Variants in TRAPPC9 observed in about 807,000 individuals in gnomAD.
TRAPPC9 encodes IKK2 binding protein.
TRAPPC9 carries 83 observed loss-of-function variants against 124.0 expected under a neutral mutation model. The ratio of observed to expected loss-of-function variants is 0.67; its 90% CI spans 0.56 to 0.80. The LOEUF is 0.80. Among genes scored for constraint, TRAPPC9 ranks in the 30% least tolerant of loss-of-function variants. TRAPPC9 has a pLI of 0.00. For synonymous variants in TRAPPC9, 638 were observed against 617.5 expected (o/e 1.03, Z -0.49); for missense variants, 1,302 against 1,508.3 (o/e 0.86, Z 2.27).
chr8:140,233,054 C>T (rs1262475835), intron 16 of TRAPPC9, among the ~76,000 whole-genome samples: 1 of 152,234 alleles, frequency 6.6e-6, no homozygotes, highest in African/African-American at 2.4e-5. Context: ...CTTCATTAAA[C>T]AGTCAGCCGA....
chr8:140,390,710 C>T (rs1381694278), intron 7 of TRAPPC9, among the ~76,000 whole-genome samples: 1 of 152,204 alleles, frequency 6.6e-6, no homozygotes, highest in Non-Finnish European at 1.5e-5. Flanking sequence ...CCTTATATGC[C>T]TCTTACTCTC....
intron 1 of TRAPPC9, among the ~76,000 whole-genome samples, chr8:140,457,231 CG>C (rs1364952572): frequency 6.6e-6 from 1 of 152,100 alleles, no homozygotes; most frequent in Non-Finnish European, 1.5e-5. Context: ...GGCCCAGGGG[CG>C]GGGGGCTCCA....
At chr8:139,858,326 A>T (rs1248866655) in intron 21 of TRAPPC9, among the ~76,000 whole-genome samples, 1 of 152,220 alleles carries the variant, frequency 6.6e-6, no homozygotes, top group East Asian at 1.9e-4. Context: ...CGCGATCATA[A>T]GGAGGGTTGT....
At chr8:140,082,495 G>C (rs1466079605) in intron 17 of TRAPPC9, among the ~76,000 whole-genome samples, 1 of 152,062 alleles carries the variant, frequency 6.6e-6, no homozygotes, top group Non-Finnish European at 1.5e-5. Flanking sequence ...ACCATGTCTT[G>C]ATATGTTAAT....
At chr8:139,801,154 T>C (rs1313850134) in intron 21 of TRAPPC9, among the ~76,000 whole-genome samples, 1 of 152,170 alleles carries the variant, frequency 6.6e-6, no homozygotes, top group Non-Finnish European at 1.5e-5. Flanking sequence ...TGTCCGTTGA[T>C]AGGATGGGTA....
At chr8:139,948,645 A>C (rs1834431517) in intron 19 of TRAPPC9, among the ~76,000 whole-genome samples, 1 of 152,186 alleles carries the variant, frequency 6.6e-6, no homozygotes, top group Non-Finnish European at 1.5e-5. Context: ...ATTCTTATCA[A>C]GGTTTCCAAT....
At chr8:140,162,905 T>C (rs1389810197) in intron 17 of TRAPPC9, among the ~76,000 whole-genome samples, 2 of 152,048 alleles carry the variant, frequency 1.3e-5, no homozygotes, top group African/African-American at 2.4e-5. Flanking sequence ...GGTGGGAGGA[T>C]TGCTTGAGCC....
chr8:140,186,733 G>A lies in TRAPPC9; in HGVS notation c.2556+34726C>T, dbSNP rs112957756. Reference sequence around the variant, plus strand: ...ATTAATTGAAGCAAGTAGAAAAACAGGAATCCTAAAATGCTGGGATCTTGA... The same window carrying A: ...ATTAATTGAAGCAAGTAGAAAAACAAGAATCCTAAAATGCTGGGATCTTGA... On this transcript the variant is annotated intron_variant, in intron 17 of 22. Transcript: ENST00000438773. 7.4e-3 allele frequency among the ~76,000 whole-genome samples: 1,132 copies of A among 152,228 alleles called. 19 individuals carry two copies. The highest frequency in any genetic ancestry group is 0.026 in the African/African-American group (1,085 of 41,542).
intron 17 of TRAPPC9, among the ~76,000 whole-genome samples, chr8:140,071,485 C>G (rs78206265): frequency 6.6e-6 from 1 of 152,286 alleles, no homozygotes; most frequent in Admixed American, 6.5e-5. Flanking sequence ...GCAGTCTCCC[C>G]CTTAGAAAGC....
At chr8:140,118,924 C>T (rs2060936937) in intron 17 of TRAPPC9, among the ~76,000 whole-genome samples, 1 of 152,238 alleles carries the variant, frequency 6.6e-6, no homozygotes, top group Non-Finnish European at 1.5e-5. Context: ...TCCTGTGAGT[C>T]ACCAAGCTTC....
intron 17 of TRAPPC9, among the ~76,000 whole-genome samples, chr8:140,215,024 A>G (rs1449470930): frequency 6.6e-6 from 1 of 152,190 alleles, no homozygotes. Context: ...ATGCCCCTAC[A>G]GCAATAGATG....
intron 17 of TRAPPC9, among the ~76,000 whole-genome samples, chr8:140,071,395 GCTT>G (rs778229952): frequency 6.6e-6 from 1 of 152,190 alleles, no homozygotes; most frequent in East Asian, 1.9e-4. Flanking sequence ...CCCCAACCAG[GCTT>G]CTTCTGTGGG....
At chr8:140,453,926 C>A (rs2071558149) in intron 1 of TRAPPC9, among the ~76,000 whole-genome samples, 1 of 152,200 alleles carries the variant, frequency 6.6e-6, no homozygotes, top group Non-Finnish European at 1.5e-5. Flanking sequence ...AGCTGAGAAA[C>A]ACCGAAGCCT....
chr8:140,144,176 T>G (rs1176031082), intron 17 of TRAPPC9, among the ~76,000 whole-genome samples: 2 of 152,242 alleles, frequency 1.3e-5, no homozygotes, highest in Non-Finnish European at 2.9e-5. Flanking sequence ...TGGCTCCTTC[T>G]TCTAGTATAT....
At chr8:140,363,599 G>C (rs1244435464) in intron 8 of TRAPPC9, among the ~76,000 whole-genome samples, 1 of 151,268 alleles carries the variant, frequency 6.6e-6, no homozygotes, top group African/African-American at 2.4e-5. Flanking sequence ...TGACACAAAC[G>C]TCTTTTTTTT....
intron 17 of TRAPPC9, among the ~76,000 whole-genome samples, chr8:140,184,896 C>T (rs2062317135): frequency 6.6e-6 from 1 of 152,156 alleles, no homozygotes; most frequent in Admixed American, 6.5e-5. Context: ...GTCACCGAGC[C>T]CATCCCTCCC....
At chr8:140,280,616 T>TAGAG (rs1403169264) in intron 14 of TRAPPC9, among the ~76,000 whole-genome samples, 3 of 151,948 alleles carry the variant, frequency 2.0e-5, no homozygotes, top group African/African-American at 7.3e-5. Context: ...TTTTTTTTAG[T>TAGAG]AGAGACAGGG....
intron 17 of TRAPPC9, among the ~76,000 whole-genome samples, chr8:140,160,202 T>C (rs2061721604): frequency 6.6e-6 from 1 of 152,022 alleles, no homozygotes; most frequent in African/African-American, 2.4e-5. Context: ...TTGGTGGGAG[T>C]GTAAATTAGT....
At chr8:140,397,540 C>T (rs558052555) in intron 7 of TRAPPC9, 80 bp downstream of exon 7, 49 of 1,565,864 alleles carry the variant, frequency 3.1e-5, no homozygotes, top group East Asian at 1.8e-4. Context: ...CTCAGCAAAA[C>T]GAAATAAGCT....
Sources: gnomAD v4.1 joint callset for allele counts (sites outside exome capture counted in the v4.1 genomes callset) on GRCh38, gnomAD v4.1.1 for gene constraint, MANE v1.5 for transcripts, NCBI Gene and HGNC (gene_info 2026-07-23, HGNC 2026-07-21) for gene names.